Variants in KDM4B observed in about 807,000 individuals in gnomAD.
KDM4B encodes lysine-specific demethylase 4B.
KDM4B carries 32 observed loss-of-function variants against 125.2 expected under a neutral mutation model. The ratio of observed to expected loss-of-function variants is 0.26; its 90% CI spans 0.19 to 0.34. The LOEUF (loss-of-function observed/expected upper bound fraction) is 0.34, where lower values mean the gene tolerates loss of function less well. Among genes scored for constraint, KDM4B ranks in the 10% least tolerant of loss-of-function variants. KDM4B has a pLI of 1.00. For synonymous variants in KDM4B, 721 were observed against 677.9 expected (o/e 1.06, Z -0.99); for missense variants, 1,190 against 1,577.7 (o/e 0.75, Z 4.16).
intron 9 of KDM4B, among the ~76,000 whole-genome samples, chr19:5,089,272 C>T (rs953881616): frequency 6.6e-6 from 1 of 152,216 alleles, no homozygotes; most frequent in Non-Finnish European, 1.5e-5. Context: ...ACTGGGCAGC[C>T]TTTCTGGAAG....
chr19:5,135,674 A>C, intron 15 of KDM4B, 113 bp downstream of exon 15: 1 of 911,870 alleles, frequency 1.1e-6, no homozygotes, highest in Non-Finnish European at 1.6e-6. Flanking sequence ...CCCTCTCCCC[A>C]GGCTGCACTT....
Position 5,035,188 on chromosome 19 carries a change from C to T in KDM4B, c.141+2157C>T, listed in dbSNP as rs1416078808. Among the ~76,000 whole-genome samples, 2 of 152,156 alleles carry T rather than the reference C, an allele frequency of 1.3e-5. No homozygotes were observed. Among genetic ancestry groups the T allele is most frequent in the African/African-American group, 4.8e-5 (2 of 41,440 alleles). On this transcript the variant is annotated intron_variant, in intron 3 of 22. Coordinates refer to ENST00000159111, the MANE Select transcript of KDM4B (RefSeq NM_015015.3). The surrounding 1 kb of genome is among the most constrained non-coding windows in gnomAD (Gnocchi z 5.3). ...AGGAAAGGCCCAGGTCCTCCTCTTC[C>T]TCCTCTCCCTGGTGCACATAGGGCA...
intron 7 of KDM4B, chr19:5,074,754 C>T (rs527776853): frequency 1.6e-3 from 242 of 152,586 alleles, no homozygotes; most frequent in South Asian, 7.0e-3. Context: ...TCCCGCCTCC[C>T]CGTGCGCCTG....
At chr19:5,053,683 G>A (rs367551537) in intron 6 of KDM4B, among the ~76,000 whole-genome samples, 19 of 152,332 alleles carry the variant, frequency 1.2e-4, no homozygotes, top group African/African-American at 4.3e-4. Flanking sequence ...TCTTGATGAG[G>A]GGTGTCCCCT....
rs142768127 is a variant in KDM4B at position 5,070,610 on chromosome 19, G to A, written c.627-400G>A. 55 of 162,084 alleles carry A rather than the reference G, an allele frequency of 3.4e-4. No individual in the cohort carries two copies. In the East Asian group the frequency reaches 9.4e-3, roughly 28 times the overall value. The allele number at this position is 162,084 out of a possible 1,614,324, so 10.0% of individuals were successfully genotyped here. On this transcript the variant is annotated intron_variant, in intron 6 of 22. Transcript: ENST00000159111. ...CCTGGAGAGCGGGCTGGCAGCTCCG[G>A]GGGCCCCAGATGCTTGCTGTTCCAG...
intron 6 of KDM4B, among the ~76,000 whole-genome samples, chr19:5,062,572 C>T (rs960108358): frequency 2.6e-5 from 4 of 152,136 alleles, no homozygotes; most frequent in African/African-American, 7.2e-5. Flanking sequence ...CTGCTCCACC[C>T]TAGACGAGGG....
chr19:5,036,048 C>G (rs2036615947), intron 3 of KDM4B, among the ~76,000 whole-genome samples: 1 of 152,178 alleles, frequency 6.6e-6, no homozygotes. Context: ...AGCATCTGCT[C>G]TGGCCCTGGG....
chr19:5,118,430 C>T (rs1217868152), intron 10 of KDM4B, among the ~76,000 whole-genome samples: 1 of 152,156 alleles, frequency 6.6e-6, no homozygotes, highest in South Asian at 2.1e-4. Flanking sequence ...GCCTCGAGCT[C>T]ATGGCCTAGA....
At chr19:5,054,063 A>G (rs769537128) in intron 6 of KDM4B, among the ~76,000 whole-genome samples, 1 of 152,216 alleles carries the variant, frequency 6.6e-6, no homozygotes, top group Non-Finnish European at 1.5e-5. Flanking sequence ...AGTGGGCCTC[A>G]GTGACCAGCT....
chr19:5,147,245 G>A (rs939044384), intron 21 of KDM4B, among the ~76,000 whole-genome samples: 5 of 152,206 alleles, frequency 3.3e-5, no homozygotes, highest in Non-Finnish European at 7.3e-5. Context: ...CATTTATAAC[G>A]TACACAGAGC....
rs201042327 is a variant in KDM4B at position 4,971,419 on chromosome 19, TCTC to T, written c.-109+2193_-109+2195del. Among the ~76,000 whole-genome samples the T allele has an allele frequency of 6.4e-3, 917 of 143,084 alleles. 10 individuals are homozygous for T. Among genetic ancestry groups the T allele is most frequent in the African/African-American group, 0.023 (864 of 37,272 alleles). The allele number at this position is 143,084 out of a possible 152,430, so 93.9% of individuals were successfully genotyped here. A position where few individuals can be genotyped will look rare whatever the true frequency, so the allele number is the denominator to read the frequency against. ...TGTACTTTAATTCCTAATTTCTCTG[TCTC>T]CTCTGCTGGTTTCCTGCCCGTTTGT... On this transcript the variant is annotated intron_variant, in intron 1 of 22. Transcript: ENST00000159111. This position sits in a 1 kb window ranked among gnomAD's most constrained non-coding sequence, Gnocchi z 4.1.
At chr19:4,985,181 C>T (rs1209469980) in intron 1 of KDM4B, among the ~76,000 whole-genome samples, 8 of 152,046 alleles carry the variant, frequency 5.3e-5, no homozygotes, top group African/African-American at 1.7e-4. Flanking sequence ...AAAATTAGCC[C>T]AGCATGGTGG....
intron 1 of KDM4B, among the ~76,000 whole-genome samples, chr19:5,010,537 C>T (rs563163125): frequency 8.5e-5 from 13 of 152,304 alleles, no homozygotes; most frequent in African/African-American, 3.1e-4. Flanking sequence ...GAAATATTCC[C>T]GTGGTGTTGG....
At position 5,131,209 on chromosome 19, in the gene KDM4B, C is replaced by A; in HGVS notation, c.1449C>A (p.Ser483=). 6.2e-7 allele frequency: 1 copy of A among 1,605,106 alleles called. No individual in the cohort carries two copies. Among genetic ancestry groups the A allele is most frequent in the East Asian group, 2.2e-5 (1 of 44,540 alleles). ...FPSEEALWLP[S]PLEPPVLGPG... is the part of the protein sequence containing the mutation. ...CAGAGGAGGCGCTGTGGCTGCCATC[C>A]CCACTGGAGCCCCCGGTGCTGGGCC... The change falls in exon 12 of 23, where the codon TCC becomes TCA. Residue 483 remains serine, a synonymous_variant. Coordinates refer to ENST00000159111, the MANE Select transcript of KDM4B (RefSeq NM_015015.3).
At chr19:5,133,348 T>G (rs1639825439) in intron 13 of KDM4B, among the ~76,000 whole-genome samples, 1 of 152,198 alleles carries the variant, frequency 6.6e-6, no homozygotes, top group South Asian at 2.1e-4. Flanking sequence ...CGGCCCCTCC[T>G]GACTCCCTGT....
intron 9 of KDM4B, among the ~76,000 whole-genome samples, chr19:5,103,731 C>T (rs2038982023): frequency 1.3e-5 from 2 of 152,202 alleles, no homozygotes; most frequent in South Asian, 4.1e-4. Flanking sequence ...TCAGTGGAGA[C>T]TCATGTTAGC....
Position 5,086,036 on chromosome 19 carries a change from C to T in KDM4B, c.918+3532C>T, listed in dbSNP as rs371859524. On this transcript the variant is annotated intron_variant, in intron 9 of 22. Transcript: ENST00000159111. ...CCCCCTTTTCTGGTGTCCCTCTGGC[C>T]GGCCCAGCTCCCCTGTCCCATTTGC... is the stretch of plus-strand genomic sequence containing the variant. 4.6e-5 allele frequency among the ~76,000 whole-genome samples: 7 copies of T among 152,256 alleles called. No homozygotes were observed. The East Asian group carries it at 7.7e-4, about 17-fold the overall frequency.
At chr19:5,050,773 G>A (rs550439315) in intron 6 of KDM4B, among the ~76,000 whole-genome samples, 142 of 152,212 alleles carry the variant, frequency 9.3e-4, no homozygotes, top group Non-Finnish European at 1.5e-3. Context: ...GGTGGCAGGT[G>A]CCTATAATCC....
intron 13 of KDM4B, among the ~76,000 whole-genome samples, chr19:5,132,813 TGTGA>T (rs2039582607): frequency 1.3e-5 from 2 of 152,086 alleles, no homozygotes; most frequent in Admixed American, 1.3e-4. Context: ...ATTCTGGGGT[TGTGA>T]GTGACAGACG....
Sources: allele counts gnomAD v4.1 joint callset (sites outside exome capture counted in the v4.1 genomes callset), GRCh38; gene constraint gnomAD v4.1.1; non-coding constraint Gnocchi (gnomAD v3.1); transcripts MANE v1.5; gene names NCBI Gene and HGNC (gene_info 2026-07-23, HGNC 2026-07-21).